The following AFF2 variants were observed in gnomAD, a reference collection of about 807,000 sequenced individuals.
AFF2 encodes the protein ALF transcription elongation factor 2, also known as AF4/FMR2 family member 2.
A neutral mutation model predicts 76.9 loss-of-function variants in AFF2; 14 were observed. That is an observed-to-expected ratio of 0.18 (90% CI 0.12 to 0.28). The LOEUF (loss-of-function observed/expected upper bound fraction) is 0.28. Ranked by LOEUF, AFF2 falls within the 10% of genes least tolerant of loss-of-function variation. The pLI, the probability that AFF2 is intolerant of heterozygous loss-of-function variation, is 1.00. For synonymous variants in AFF2, 398 were observed against 366.7 expected, an observed-to-expected ratio of 1.09 and a Z score of -0.98; for missense variants, 868 against 1,001.1, an observed-to-expected ratio of 0.87 and a Z score of 1.79.
chrX:148,912,249 C>T (rs1282137403), intron 9 of AFF2, among the ~76,000 whole-genome samples: 7 of 112,199 alleles, frequency 6.2e-5, no homozygotes, highest in African/African-American at 9.7e-5. Context: ...TCATTTGCTG[C>T]GCATATTGAC....
rs781790166 is a variant in AFF2, at chrX:148,707,381, C to G, written c.1041+44613C>G. Among the ~76,000 whole-genome samples, 224 of 110,984 alleles carry G rather than the reference C, an allele frequency of 2.0e-3. 1 individual carries two copies. Among genetic ancestry groups the G allele is most frequent in the African/African-American group, 6.7e-3 (205 of 30,640 alleles). ...TAACATATTAATCTTTTTAAGTTCT[C>G]CAGAATAGAATCTTTTTGGCACTTT... On this transcript the variant is annotated intron_variant, in intron 3 of 20. Coordinates refer to ENST00000370460, the MANE Select transcript of AFF2 (RefSeq NM_002025.4).
intron 20 of AFF2, among the ~76,000 whole-genome samples, chrX:148,989,523 G>A (rs1230312628): frequency 4.5e-5 from 5 of 112,059 alleles, no homozygotes; most frequent in African/African-American, 1.6e-4. Context: ...GGTTTTCAGC[G>A]GACTGGGGAG....
chrX:148,763,750 G>A (rs1430555299), intron 3 of AFF2, among the ~76,000 whole-genome samples: 1 of 111,704 alleles, frequency 9.0e-6, no homozygotes, highest in Non-Finnish European at 1.9e-5. Flanking sequence ...ATGAATGCAA[G>A]GATGCTCCAG....
intron 1 of AFF2, among the ~76,000 whole-genome samples, chrX:148,531,950 T>C (rs1250090561): frequency 9.0e-6 from 1 of 111,473 alleles, no homozygotes; most frequent in Admixed American, 9.6e-5. Flanking sequence ...TCCTGTCTTA[T>C]TTGTTCAAGT....
chrX:148,681,107 C>T (rs1417755617), intron 3 of AFF2, among the ~76,000 whole-genome samples: 1 of 111,604 alleles, frequency 9.0e-6, no homozygotes, highest in African/African-American at 3.3e-5. Flanking sequence ...GCAACTGCTA[C>T]CTTTAGCTTT....
At chrX:148,707,374 A>T (rs1025201501) in intron 3 of AFF2, among the ~76,000 whole-genome samples, 2 of 111,353 alleles carry the variant, frequency 1.8e-5, no homozygotes, top group Non-Finnish European at 3.8e-5. Context: ...TAATCTTTTT[A>T]AGTTCTCCAG....
At chrX:148,967,278 A>G (rs1283885760) in intron 14 of AFF2, among the ~76,000 whole-genome samples, 199 bp downstream of exon 14, 1 of 111,242 alleles carries the variant, frequency 9.0e-6, no homozygotes, top group African/African-American at 3.3e-5. Context: ...GCCCATTTTA[A>G]TTAAGCAGCA....
chrX:148,616,897 ATGAAC>A (rs782334493), intron 1 of AFF2, among the ~76,000 whole-genome samples: 87 of 111,319 alleles, frequency 7.8e-4, no homozygotes, highest in Non-Finnish European at 8.7e-4. Context: ...TACAAAGGAC[ATGAAC>A]TCATCATTTT....
In AFF2 at chrX:148,609,254, T is replaced by G. The variant is rs182426124; in HGVS notation, c.48-42745T>G. 2.5e-4 allele frequency among the ~76,000 whole-genome samples: 28 copies of G among 112,082 alleles called. No homozygotes were observed. The East Asian group carries it at 5.9e-3, about 24-fold the overall frequency. Reference sequence around the variant, plus strand: ...CATTGAAACATTAAATGTATTATACTCAGTCATGTGCAATGTATAATTTTC... The same window carrying G: ...CATTGAAACATTAAATGTATTATACGCAGTCATGTGCAATGTATAATTTTC... On this transcript the variant is annotated intron_variant, in intron 1 of 20. Transcript: ENST00000370460.
chrX:148,716,921 A>C (rs782745857), intron 3 of AFF2, among the ~76,000 whole-genome samples: 2 of 112,162 alleles, frequency 1.8e-5, no homozygotes, highest in East Asian at 5.7e-4. Flanking sequence ...GAGACAGATA[A>C]TAAATGATAA....
chrX:148,835,484 CTT>C lies in AFF2; in HGVS notation c.1087-2145_1087-2144del, dbSNP rs11354092. ...ATTTACATATCCATCACGTCACATA[CTT>C]TTTTTTTTTTTTTTTTTGAGATGGA... On this transcript the variant is annotated intron_variant, in intron 4 of 20. Coordinates refer to ENST00000370460, the MANE Select transcript of AFF2 (RefSeq NM_002025.4). 3.8e-3 allele frequency among the ~76,000 whole-genome samples: 225 copies of C among 58,930 alleles called. 1 individual carries two copies. Among genetic ancestry groups the C allele is most frequent in the East Asian group, 8.7e-3 (15 of 1,730 alleles). 51.2% of individuals were successfully genotyped at this position (58,930 alleles called of 115,157 possible). A position where few individuals can be genotyped will look rare whatever the true frequency, so the allele number is the denominator to read the frequency against.
At chrX:148,675,128 T>C (rs1258639369) in intron 3 of AFF2, among the ~76,000 whole-genome samples, 3 of 111,521 alleles carry the variant, frequency 2.7e-5, no homozygotes, top group African/African-American at 9.8e-5. Flanking sequence ...GCATTCTTGG[T>C]ACTTTCTGAA....
At chrX:148,824,534 T>A (rs187911846) in intron 4 of AFF2, among the ~76,000 whole-genome samples, 66 of 111,989 alleles carry the variant, frequency 5.9e-4, no homozygotes, top group Non-Finnish European at 1.1e-4. Context: ...CATAAATATA[T>A]ATTAATAATT....
intron 3 of AFF2, among the ~76,000 whole-genome samples, chrX:148,718,339 T>C (rs1252980478): frequency 1.8e-5 from 2 of 111,376 alleles, no homozygotes; most frequent in Non-Finnish European, 3.8e-5. Flanking sequence ...AGGGTCATCA[T>C]TTCCTTTTCA....
intron 9 of AFF2, among the ~76,000 whole-genome samples, chrX:148,949,270 G>A (rs1321673095): frequency 9.0e-6 from 1 of 111,502 alleles, no homozygotes; most frequent in African/African-American, 3.3e-5. Flanking sequence ...AGCATAGAAA[G>A]ACTATCACAT....
intron 3 of AFF2, among the ~76,000 whole-genome samples, chrX:148,741,449 T>TC (rs2055350520): frequency 9.1e-6 from 1 of 110,380 alleles, no homozygotes; most frequent in African/African-American, 3.3e-5. Flanking sequence ...CTCACCTAGC[T>TC]CCCACGCAAA....
At position 148,740,825 on chromosome X, in the gene AFF2, T is replaced by C. The variant is rs1044256783; in HGVS notation, c.1042-69051T>C. Among the ~76,000 whole-genome samples, 4 of 111,990 alleles carry C rather than the reference T, an allele frequency of 3.6e-5. No homozygotes were observed. The East Asian group carries it at 1.1e-3, about 32-fold the overall frequency. ...GCTGAAGGCTATTGTTCAGATTCTTTTGTCCCATGGGGTGCTCCCTTGATG... is the reference window on the plus strand; with the variant it reads ...GCTGAAGGCTATTGTTCAGATTCTTCTGTCCCATGGGGTGCTCCCTTGATG... On this transcript the variant is annotated intron_variant, in intron 3 of 20. Transcript: ENST00000370460.
intron 1 of AFF2, among the ~76,000 whole-genome samples, chrX:148,605,870 T>C (rs140800711): frequency 1.5e-3 from 167 of 112,456 alleles, no homozygotes; most frequent in Non-Finnish European, 2.1e-3. Context: ...AAGACCACTC[T>C]GTAATTATCG....
At chrX:148,986,531 C>A (rs2072474285) in intron 19 of AFF2, among the ~76,000 whole-genome samples, 1 of 112,912 alleles carries the variant, frequency 8.9e-6, no homozygotes, top group South Asian at 3.7e-4. Flanking sequence ...CTGAAGACTT[C>A]TTTTTATAAA....
Sources: allele counts gnomAD v4.1 joint callset (sites outside exome capture counted in the v4.1 genomes callset), GRCh38; gene constraint gnomAD v4.1.1; transcripts MANE v1.5; gene names NCBI Gene and HGNC (gene_info 2026-07-23, HGNC 2026-07-21).